The following ST6GALNAC3 variants were observed in gnomAD, a reference collection of about 807,000 sequenced individuals.
ST6GALNAC3 encodes alpha-N-acetylgalactosaminide alpha-2,6-sialyltransferase 3.
In ST6GALNAC3, 25 loss-of-function variants were observed where a neutral mutation model predicts 32.7. The ratio of observed to expected loss-of-function variants is 0.76; its 90% CI spans 0.56 to 1.07. The LOEUF (loss-of-function observed/expected upper bound fraction) is 1.07. Among genes scored for constraint, ST6GALNAC3 ranks in the 50% least tolerant of loss-of-function variants. The pLI, the probability that ST6GALNAC3 is intolerant of heterozygous loss-of-function variation, is 0.00. For synonymous variants in ST6GALNAC3, 129 were observed against 133.1 expected (o/e 0.97, Z 0.21); for missense variants, 355 against 382.4 (o/e 0.93, Z 0.60).
chr1:76,177,663 G>T (rs1265079396), intron 1 of ST6GALNAC3, among the ~76,000 whole-genome samples: 1 of 152,152 alleles, frequency 6.6e-6, no homozygotes, highest in Non-Finnish European at 1.5e-5. Flanking sequence ...GTGCAGAGGA[G>T]AATTAATATT....
chr1:76,495,637 T>G (rs1003480705), intron 3 of ST6GALNAC3, among the ~76,000 whole-genome samples: 4 of 152,114 alleles, frequency 2.6e-5, no homozygotes, highest in Admixed American at 2.0e-4. Context: ...CTCCCCTTCC[T>G]AAAGATAAAC....
At chr1:76,075,483 T>C (rs1646802466) in intron 1 of ST6GALNAC3, among the ~76,000 whole-genome samples, 1 of 152,210 alleles carries the variant, frequency 6.6e-6, no homozygotes, top group South Asian at 2.1e-4. Flanking sequence ...AACCTCTCAC[T>C]CTCTTTATGC....
At chr1:76,290,623 C>G (rs1184785895) in intron 1 of ST6GALNAC3, among the ~76,000 whole-genome samples, 1 of 152,158 alleles carries the variant, frequency 6.6e-6, no homozygotes, top group Non-Finnish European at 1.5e-5. Context: ...CAGTGAATAG[C>G]ATGTCCAGGA....
intron 1 of ST6GALNAC3, among the ~76,000 whole-genome samples, chr1:76,167,661 C>T (rs1018572484): frequency 6.6e-6 from 1 of 151,322 alleles, no homozygotes; most frequent in Admixed American, 6.6e-5. Flanking sequence ...GATTCAATTT[C>T]GGAGCTCATT....
At position 76,149,397 on chromosome 1, in the gene ST6GALNAC3, C is replaced by G. The variant is rs571507058; in HGVS notation, c.18+74513C>G. 2.6e-4 allele frequency among the ~76,000 whole-genome samples: 40 copies of G among 152,236 alleles called. No homozygotes were observed. The East Asian group carries it at 7.1e-3, about 27-fold the overall frequency. On this transcript the variant is annotated intron_variant, in intron 1 of 4. Transcript: ENST00000328299. ...GTATATTCCCAGGGAGCCTGGCATC[C>G]CCCATTAATCTGTAAGCAGACCTAT... is the stretch of plus-strand genomic sequence containing the variant.
chr1:76,195,569 A>G (rs1167216620), intron 1 of ST6GALNAC3, among the ~76,000 whole-genome samples: 2 of 152,236 alleles, frequency 1.3e-5, no homozygotes, highest in Admixed American at 1.3e-4. Context: ...GGCTACTAGC[A>G]CAGTTTGGAG....
intron 3 of ST6GALNAC3, among the ~76,000 whole-genome samples, chr1:76,441,527 A>T (rs1194898661): frequency 1.3e-5 from 2 of 152,192 alleles, no homozygotes; most frequent in Admixed American, 1.3e-4. Flanking sequence ...TATGGGGTAC[A>T]TGAGATGTTT....
chr1:76,380,061 T>C (rs1651582530), intron 2 of ST6GALNAC3, among the ~76,000 whole-genome samples: 1 of 152,060 alleles, frequency 6.6e-6, no homozygotes, highest in African/African-American at 2.4e-5. Flanking sequence ...CATATCAATC[T>C]ACATTAAGAA....
chr1:76,308,891 T>G (rs1033545247), intron 1 of ST6GALNAC3, among the ~76,000 whole-genome samples: 2 of 152,196 alleles, frequency 1.3e-5, no homozygotes, highest in African/African-American at 4.8e-5. Context: ...TATTATCTTT[T>G]GTTTTATGAT....
intron 3 of ST6GALNAC3, among the ~76,000 whole-genome samples, chr1:76,569,436 CTTTG>C (rs1206128716): frequency 1.3e-5 from 2 of 152,094 alleles, no homozygotes; most frequent in Non-Finnish European, 2.9e-5. Context: ...AAAGAAAATT[CTTTG>C]TTTGTCCTAC....
intron 1 of ST6GALNAC3, among the ~76,000 whole-genome samples, chr1:76,128,421 C>T (rs1004445634): frequency 1.4e-4 from 21 of 152,150 alleles, no homozygotes; most frequent in Admixed American, 1.4e-3. Context: ...AGTTGTGTCT[C>T]CAGAACAAGG....
At chr1:76,203,525 T>A (rs1654652621) in intron 1 of ST6GALNAC3, among the ~76,000 whole-genome samples, 1 of 149,236 alleles carries the variant, frequency 6.7e-6, no homozygotes, top group Non-Finnish European at 1.5e-5. Context: ...GACTTGTGTA[T>A]TTTTTTTGGA....
Position 76,260,659 on chromosome 1 carries a change from A to G in ST6GALNAC3, c.19-53146A>G, listed in dbSNP as rs1016822088. The stretch of plus-strand genomic sequence containing the variant: ...AGCTTGTGCTGTTAACCACTTTGCT[A>G]TACTTCCTCATGTGTGTTTAATAGG... On this transcript the variant is annotated intron_variant, in intron 1 of 4. Coordinates refer to ENST00000328299, the MANE Select transcript of ST6GALNAC3 (RefSeq NM_152996.4). 2.6e-4 allele frequency among the ~76,000 whole-genome samples: 39 copies of G among 152,134 alleles called. 1 individual carries two copies. Among genetic ancestry groups the G allele is most frequent in the African/African-American group, 9.2e-4 (38 of 41,434 alleles).
At chr1:76,383,495 T>C (rs2101123084) in intron 2 of ST6GALNAC3, among the ~76,000 whole-genome samples, 1 of 150,854 alleles carries the variant, frequency 6.6e-6, no homozygotes, top group Admixed American at 6.7e-5. Flanking sequence ...CAGGCTGGTC[T>C]TGACAGGCTC....
chr1:76,230,768 T>G (rs1040072919), intron 1 of ST6GALNAC3, among the ~76,000 whole-genome samples: 5 of 152,218 alleles, frequency 3.3e-5, no homozygotes, highest in African/African-American at 1.2e-4. Flanking sequence ...AATCAACTCA[T>G]TTGCCAGTTG....
chr1:76,370,779 G>A (rs1650754354), intron 2 of ST6GALNAC3, among the ~76,000 whole-genome samples: 2 of 151,920 alleles, frequency 1.3e-5, no homozygotes, highest in East Asian at 1.9e-4. Flanking sequence ...CACTAGTAAA[G>A]CCAATTTTTT....
chr1:76,175,434 A>G (rs985942147), intron 1 of ST6GALNAC3, among the ~76,000 whole-genome samples: 11 of 151,978 alleles, frequency 7.2e-5, no homozygotes, highest in African/African-American at 2.7e-4. Flanking sequence ...ATTTTAAGGC[A>G]TACCAGAGAA....
chr1:76,302,554 A>G (rs1660788958), intron 1 of ST6GALNAC3, among the ~76,000 whole-genome samples: 1 of 152,024 alleles, frequency 6.6e-6, no homozygotes, highest in South Asian at 2.1e-4. Flanking sequence ...GTGACTAACA[A>G]TCGATGGTCT....
At chr1:76,429,503 T>C (rs1402438508) in intron 3 of ST6GALNAC3, among the ~76,000 whole-genome samples, 3 of 152,200 alleles carry the variant, frequency 2.0e-5, no homozygotes, top group Non-Finnish European at 4.4e-5. Context: ...TGACATTTTA[T>C]TGCATTGCAC....
Sources: gnomAD v4.1 joint callset for allele counts (sites outside exome capture counted in the v4.1 genomes callset) on GRCh38, gnomAD v4.1.1 for gene constraint, MANE v1.5 for transcripts, NCBI Gene and HGNC (gene_info 2026-07-23, HGNC 2026-07-21) for gene names.